Variants in IPCEF1 observed in about 807,000 individuals in gnomAD.
The protein encoded by IPCEF1 is interactor protein for cytohesin exchange factors 1.
A neutral mutation model predicts 50.9 loss-of-function variants in IPCEF1; 31 were observed. That is an observed-to-expected ratio of 0.61 (90% CI 0.46 to 0.82). The LOEUF is 0.82. IPCEF1 is among the 40% of genes least tolerant of loss of function. The pLI, the probability that IPCEF1 is intolerant of heterozygous loss-of-function variation, is 0.00. For missense variants in IPCEF1, 458 were observed against 514.0 expected, an observed-to-expected ratio of 0.89 and a Z score of 1.05; for synonymous variants, 181 against 192.0, an observed-to-expected ratio of 0.94 and a Z score of 0.47.
intron 2 of IPCEF1, among the ~76,000 whole-genome samples, chr6:154,269,078 A>C (rs1053799602): frequency 6.6e-6 from 1 of 152,192 alleles, no homozygotes; most frequent in East Asian, 1.9e-4. Flanking sequence ...GGCCTTGGTC[A>C]CTTATTTGCT....
intron 2 of IPCEF1, among the ~76,000 whole-genome samples, chr6:154,282,363 A>C (rs1782238563): frequency 6.6e-6 from 1 of 152,098 alleles, no homozygotes; most frequent in African/African-American, 2.4e-5. Context: ...GCGGGACCAG[A>C]GTGGTAGCGA....
chr6:154,211,183 G>A lies in IPCEF1; in HGVS notation c.537+1587C>T, dbSNP rs1003919754. Among the ~76,000 whole-genome samples the A allele has an allele frequency of 9.9e-5, 15 of 152,208 alleles. 1 individual carries two copies. In the East Asian group the frequency reaches 2.7e-3, roughly 27 times the overall value. ...TGTAATCCCAGCACTTTGGGAGGCC[G>A]AGGCAGGCGGATCATGAGGTCAGGA... On this transcript the variant is annotated intron_variant, in intron 9 of 11. Transcript: ENST00000367220.
At chr6:154,287,991 G>A (rs374175309) in intron 2 of IPCEF1, among the ~76,000 whole-genome samples, 5 of 152,274 alleles carry the variant, frequency 3.3e-5, no homozygotes, top group East Asian at 1.9e-4. Context: ...CAGTAAATGC[G>A]TATCTTTTAT....
chr6:154,264,595 A>G (rs1377670854), intron 3 of IPCEF1, among the ~76,000 whole-genome samples: 2 of 151,992 alleles, frequency 1.3e-5, no homozygotes, highest in Non-Finnish European at 2.9e-5. Flanking sequence ...CTGGTCTCAA[A>G]TCTCCTGACC....
rs139741002 is a variant in IPCEF1 at position 154,165,683 on chromosome 6, CT to C, written c.1104+2236del. ...TTCTCTGCTTCCTGGTATTCAAGGC[CT>C]TGTGTAATCTCCTCCCTGAAAATGA... On this transcript the variant is annotated intron_variant, in intron 11 of 11. Transcript: ENST00000367220. Among the ~76,000 whole-genome samples the C allele has an allele frequency of 9.0e-4, 137 of 152,326 alleles. No homozygotes were observed. The East Asian group carries it at 0.022, about 24-fold the overall frequency.
rs897528132 is a variant in IPCEF1 at position 154,332,294 on chromosome 6, T to G, written c.-62+24378A>C. Among the ~76,000 whole-genome samples, 5 of 151,654 alleles carry G rather than the reference T, an allele frequency of 3.3e-5. No homozygotes were observed. In the South Asian group the frequency reaches 6.2e-4, roughly 19 times the overall value. On this transcript the variant is annotated intron_variant, in intron 1 of 11. Transcript: ENST00000367220. ...GTTTTTTTGTGTGTGAGTGGTTTTT[T>G]TTTTTTTTTTTACTGTTTTTTTAGA...
At chr6:154,172,995 G>A (rs1202136145) in intron 10 of IPCEF1, among the ~76,000 whole-genome samples, 1 of 152,234 alleles carries the variant, frequency 6.6e-6, no homozygotes, top group African/African-American at 2.4e-5. Flanking sequence ...TTGCTGTTCT[G>A]CAGCCTCCGC....
chr6:154,220,240 T>C (rs1259862811), intron 7 of IPCEF1, among the ~76,000 whole-genome samples: 1 of 152,162 alleles, frequency 6.6e-6, no homozygotes, highest in Non-Finnish European at 1.5e-5. Flanking sequence ...AGGCGTTCCA[T>C]TAACATATTT....
intron 11 of IPCEF1, among the ~76,000 whole-genome samples, chr6:154,166,665 A>G (rs764344740): frequency 2.0e-5 from 3 of 152,200 alleles, no homozygotes; most frequent in African/African-American, 4.8e-5. Context: ...ACACCGGTAG[A>G]GTCCATTCAA....
chr6:154,179,848 T>G (rs570584876), intron 10 of IPCEF1, among the ~76,000 whole-genome samples: 31 of 152,208 alleles, frequency 2.0e-4, no homozygotes, highest in Admixed American at 1.6e-3. Context: ...CTCAAACTTT[T>G]AACAGGCACT....
intron 2 of IPCEF1, among the ~76,000 whole-genome samples, chr6:154,275,902 G>A (rs1457809639): frequency 2.0e-5 from 3 of 151,916 alleles, no homozygotes; most frequent in South Asian, 2.1e-4. Context: ...TTTAGGGGCC[G>A]GGCACAGTGA....
intron 3 of IPCEF1, among the ~76,000 whole-genome samples, chr6:154,252,881 A>G (rs1187555615): frequency 1.3e-5 from 2 of 152,188 alleles, no homozygotes; most frequent in Non-Finnish European, 2.9e-5. Context: ...AGGAAGGCAC[A>G]CTGCCAAAGG....
At chr6:154,166,843 G>A (rs981177343) in intron 11 of IPCEF1, among the ~76,000 whole-genome samples, 18 of 152,114 alleles carry the variant, frequency 1.2e-4, no homozygotes, top group African/African-American at 3.6e-4. Context: ...CATCAGCTTC[G>A]TACATACTGT....
chr6:154,236,170 T>G (rs1235320110), intron 5 of IPCEF1, among the ~76,000 whole-genome samples: 1 of 152,062 alleles, frequency 6.6e-6, no homozygotes, highest in Non-Finnish European at 1.5e-5. Flanking sequence ...TATGAGTCAA[T>G]AAACAAAATG....
At chr6:154,301,833 A>G (rs369953386) in intron 1 of IPCEF1, among the ~76,000 whole-genome samples, 1 of 152,244 alleles carries the variant, frequency 6.6e-6, no homozygotes, top group East Asian at 1.9e-4. Flanking sequence ...GTAAAAATAA[A>G]TAATACCTTA....
rs746875359 is a variant in IPCEF1 at position 154,214,244 on chromosome 6, T to C, written c.425A>G (p.His142Arg). 2.8e-5 allele frequency: 45 copies of C among 1,611,472 alleles called. No individual in the cohort carries two copies. The highest frequency in any genetic ancestry group is 3.6e-5 in the Non-Finnish European group (42 of 1,177,642). The change falls in exon 8 of 12, where the codon CAT becomes CGT. Residue 142 changes from histidine (H) to arginine (R), a missense_variant. His to Arg is a conservative substitution (Grantham distance 29, BLOSUM62 0). Transcript: ENST00000367220. ...WLNKLGSAVIHQESTTKDEEC... is the reference protein window; with the variant it reads ...WLNKLGSAVIRQESTTKDEEC... ...TTCATCCTTTGTAGTGGATTCCTGA[T>C]GGATTACAGCCGATCCAAGTTTATT...
intron 10 of IPCEF1, among the ~76,000 whole-genome samples, chr6:154,183,541 C>T (rs576476554): frequency 5.3e-5 from 8 of 152,222 alleles, no homozygotes; most frequent in South Asian, 2.1e-4. Context: ...AGGAGAGGTG[C>T]GCTCTATAGA....
At chr6:154,286,741 A>C (rs1782369343) in intron 2 of IPCEF1, among the ~76,000 whole-genome samples, 1 of 152,226 alleles carries the variant, frequency 6.6e-6, no homozygotes, top group Non-Finnish European at 1.5e-5. Context: ...AAAGCGGTGA[A>C]GAGTCTGAAC....
At chr6:154,325,180 T>A (rs2128689858) in intron 1 of IPCEF1, among the ~76,000 whole-genome samples, 1 of 152,264 alleles carries the variant, frequency 6.6e-6, no homozygotes, top group African/African-American at 2.4e-5. Flanking sequence ...TAGATGGAAA[T>A]TCTCAAAACA....
Sources: allele counts gnomAD v4.1 joint callset (sites outside exome capture counted in the v4.1 genomes callset), GRCh38; gene constraint gnomAD v4.1.1; transcripts MANE v1.5; gene names NCBI Gene and HGNC (gene_info 2026-07-23, HGNC 2026-07-21).